The following DYNC1I1 variants were observed in gnomAD, a reference collection of about 807,000 sequenced individuals.
DYNC1I1 encodes the protein dynein cytoplasmic 1 intermediate chain 1.
Under a neutral mutation model 86.6 loss-of-function variants are expected in DYNC1I1, and 43 were observed. That is an observed-to-expected ratio of 0.50 (90% CI 0.39 to 0.64). The LOEUF is 0.64. DYNC1I1 is among the 30% of genes least tolerant of loss of function. DYNC1I1 has a pLI of 0.00. For synonymous variants in DYNC1I1, 262 were observed against 283.7 expected (o/e 0.92, Z 0.77); for missense variants, 604 against 788.8 (o/e 0.77, Z 2.81).
intron 5 of DYNC1I1, among the ~76,000 whole-genome samples, chr7:95,838,471 G>T (rs1025789935): frequency 1.2e-4 from 18 of 152,168 alleles, no homozygotes; most frequent in African/African-American, 4.3e-4. Flanking sequence ...AAATCAAGCA[G>T]TGTGATACCT....
chr7:95,936,902 C>T lies in DYNC1I1; in HGVS notation c.491-40610C>T, dbSNP rs536261521. Among the ~76,000 whole-genome samples, 62 of 145,818 alleles carry T rather than the reference C, an allele frequency of 4.3e-4. No homozygotes were observed. The South Asian group carries it at 0.013, about 32-fold the overall frequency. Reference sequence around the variant, plus strand: ...TTCATTGTAGCATTATTCACAATAGCCAAGATATGCAAACAACCTGTTTGT... The same window carrying T: ...TTCATTGTAGCATTATTCACAATAGTCAAGATATGCAAACAACCTGTTTGT... On this transcript the variant is annotated intron_variant, in intron 6 of 16. Coordinates refer to ENST00000447467, the MANE Select transcript of DYNC1I1 (RefSeq NM_001135556.2).
At chr7:95,826,268 G>A (rs1795201187) in intron 4 of DYNC1I1, among the ~76,000 whole-genome samples, 1 of 152,178 alleles carries the variant, frequency 6.6e-6, no homozygotes, top group Admixed American at 6.5e-5. Context: ...AAAGACAAGA[G>A]CACAGCCAGA....
intron 1 of DYNC1I1, among the ~76,000 whole-genome samples, chr7:95,790,393 C>CTG (rs1165115261): frequency 6.6e-6 from 1 of 152,168 alleles, no homozygotes; most frequent in East Asian, 1.9e-4. Flanking sequence ...TTCTTCTTAC[C>CTG]TCCCACCTTT....
intron 10 of DYNC1I1, among the ~76,000 whole-genome samples, chr7:96,018,776 A>G (rs1344960552): frequency 6.6e-6 from 1 of 152,210 alleles, no homozygotes; most frequent in Non-Finnish European, 1.5e-5. Flanking sequence ...GCAGAGGGAA[A>G]TATCATAAGT....
rs371382750 is a variant in DYNC1I1, at chr7:96,032,777, A to G, written c.1227A>G (p.Pro409=). 1.2e-5 allele frequency: 19 copies of G among 1,612,504 alleles called. No homozygotes were observed. Among genetic ancestry groups the G allele is most frequent in the Non-Finnish European group, 1.6e-5 (19 of 1,179,076 alleles). ...CSWSLDMLST[P]QESMELVYNK... Reference sequence around the variant, plus strand: ...GGAGCCTGGACATGCTCTCAACTCCACAGGTGGGTTTGTTTTTCCCTACAC... The same window carrying G: ...GGAGCCTGGACATGCTCTCAACTCCGCAGGTGGGTTTGTTTTTCCCTACAC... The change falls in exon 12 of 17, where the codon CCA becomes CCG. Residue 409 remains proline (P), a synonymous_variant. Coordinates refer to ENST00000447467, the MANE Select transcript of DYNC1I1 (RefSeq NM_001135556.2).
At chr7:95,973,533 G>A (rs319305) in intron 6 of DYNC1I1, among the ~76,000 whole-genome samples, 49,284 of 151,924 alleles carry the variant, frequency 0.32, 8,525 homozygotes, top group East Asian at 0.72. Context: ...TGTTGTGAGT[G>A]TTTTTTTAGA....
At chr7:95,902,944 C>T (rs1791079048) in intron 6 of DYNC1I1, among the ~76,000 whole-genome samples, 1 of 152,164 alleles carries the variant, frequency 6.6e-6, no homozygotes, top group Admixed American at 6.5e-5. Context: ...AGCTATCTTT[C>T]TAGTTGGTCC....
rs545425022 is a variant in DYNC1I1, at chr7:95,965,216, T to C, written c.491-12296T>C. On this transcript the variant is annotated intron_variant, in intron 6 of 16. Transcript: ENST00000447467. ...TGACAGGATACAGCTAGCAGCTTTG[T>C]TTTCAACTGTGCTCCAAATATTGTT... is the stretch of plus-strand genomic sequence containing the variant. Among the ~76,000 whole-genome samples the C allele has an allele frequency of 6.6e-5, 10 of 152,330 alleles. 1 individual carries two copies. The highest frequency in any genetic ancestry group is 4.1e-4 in the South Asian group (2 of 4,834).
intron 14 of DYNC1I1, among the ~76,000 whole-genome samples, chr7:96,066,751 G>T (rs1032712550): frequency 2.6e-5 from 4 of 151,996 alleles, no homozygotes; most frequent in African/African-American, 9.7e-5. Flanking sequence ...TATTTAACTT[G>T]TAAGACTCCA....
chr7:96,052,555 T>A (rs770757279), intron 14 of DYNC1I1, among the ~76,000 whole-genome samples: 1 of 152,134 alleles, frequency 6.6e-6, no homozygotes, highest in Non-Finnish European at 1.5e-5. Context: ...GAGTGAATAG[T>A]TGTAAAGATG....
intron 14 of DYNC1I1, among the ~76,000 whole-genome samples, chr7:96,060,934 A>G (rs1789747106): frequency 6.6e-6 from 1 of 152,218 alleles, no homozygotes; most frequent in Non-Finnish European, 1.5e-5. Flanking sequence ...GAACACCGAA[A>G]AAGAAGTCAG....
At chr7:95,989,646 T>C (rs1793681415) in intron 9 of DYNC1I1, among the ~76,000 whole-genome samples, 6 of 152,074 alleles carry the variant, frequency 3.9e-5, no homozygotes, top group Admixed American at 3.9e-4. Flanking sequence ...CCTGTGGAGG[T>C]GTTTCCACAC....
chr7:96,039,096 G>T (rs1164438401), intron 13 of DYNC1I1, among the ~76,000 whole-genome samples, 181 bp from the exon 14 acceptor site: 3 of 152,292 alleles, frequency 2.0e-5, no homozygotes, highest in Admixed American at 6.5e-5. Flanking sequence ...GAAAAATAGG[G>T]TAACATATTT....
Position 96,097,592 on chromosome 7 carries a change from A to G in DYNC1I1, c.1886A>G (p.Ter629TrpextTer3). ...GAAGGCACTGTTGAGTTATCTGCCT[A>G]GTGGAAATGAGCCACCCCCACTGCA... ...EEEGTVELSA[*>W] is the part of the protein sequence containing the mutation. Residue 629 changes from the stop codon to tryptophan (W), a stop_lost, in exon 17 of 17, where the codon TAG (stop) becomes TGG (tryptophan). Transcript: ENST00000447467. The G allele has an allele frequency of 6.2e-7, 1 of 1,613,526 alleles. No individual in the cohort carries two copies. Among genetic ancestry groups the G allele is most frequent in the Non-Finnish European group, 8.5e-7 (1 of 1,179,644 alleles).
intron 15 of DYNC1I1, among the ~76,000 whole-genome samples, chr7:96,077,467 A>G (rs933643441): frequency 9.2e-5 from 14 of 152,214 alleles, no homozygotes; most frequent in African/African-American, 3.4e-4. Flanking sequence ...GAAAATAATC[A>G]AAAGGCATGA....
chr7:95,840,878 G>A (rs1423544856), intron 5 of DYNC1I1, among the ~76,000 whole-genome samples: 1 of 152,160 alleles, frequency 6.6e-6, no homozygotes, highest in Non-Finnish European at 1.5e-5. Context: ...TGATGCATTA[G>A]GTACGTGTTC....
At chr7:96,088,582 A>G (rs1432575985) in intron 16 of DYNC1I1, among the ~76,000 whole-genome samples, 1 of 152,154 alleles carries the variant, frequency 6.6e-6, no homozygotes, top group East Asian at 1.9e-4. Context: ...TGCTGCTTAG[A>G]GCAGTAGCCT....
intron 6 of DYNC1I1, among the ~76,000 whole-genome samples, chr7:95,899,756 C>T (rs943597173): frequency 2.0e-5 from 3 of 152,056 alleles, no homozygotes; most frequent in East Asian, 1.9e-4. Flanking sequence ...ATTTAAAGCA[C>T]GGAGGGGAAG....
chr7:96,036,039 C>A (rs796292833), intron 13 of DYNC1I1, among the ~76,000 whole-genome samples: 1 of 152,202 alleles, frequency 6.6e-6, no homozygotes, highest in Non-Finnish European at 1.5e-5. Flanking sequence ...CAGGGTCTAG[C>A]CATGTGCCCA....
Sources: gnomAD v4.1 joint callset for allele counts (sites outside exome capture counted in the v4.1 genomes callset) on GRCh38, gnomAD v4.1.1 for gene constraint, MANE v1.5 for transcripts, NCBI Gene and HGNC (gene_info 2026-07-23, HGNC 2026-07-21) for gene names.